Variants in RASSF3 observed in about 807,000 individuals in gnomAD.
RASSF3 encodes Ras association domain family member 3.
A neutral mutation model predicts 19.9 loss-of-function variants in RASSF3; 19 were observed. That is an observed-to-expected ratio of 0.96 (90% confidence interval 0.67 to 1.40). The LOEUF (loss-of-function observed/expected upper bound fraction) is 1.40. RASSF3 is among the 40% of genes most tolerant of loss of function. The pLI is 0.00. For missense variants in RASSF3, 306 were observed against 289.8 expected (o/e 1.06, Z -0.41); for synonymous variants, 110 against 104.2 (o/e 1.06, Z -0.34).
At chr12:64,647,721 A>ATT (rs1297377931) in intron 1 of RASSF3, among the ~76,000 whole-genome samples, 1 of 148,054 alleles carries the variant, frequency 6.8e-6, no homozygotes, top group East Asian at 2.0e-4. Context: ...CCGGCCTTGT[A>ATT]TTTTTTTTTA....
rs745338558 is a variant in RASSF3, at chr12:64,684,836, T to G, written c.161T>G (p.Ile54Ser). The change falls in exon 2 of 5, where the codon ATC (isoleucine) becomes AGC (serine). Residue 54 changes from isoleucine (I) to serine (S), a missense_variant. Ile to Ser is a moderately radical substitution (Grantham distance 142). Transcript: ENST00000542104. ...ETHSYLSKEE[I>S]KEKVHKYNLA... Reference sequence around the variant, plus strand: ...CACAGTTACCTCAGCAAAGAGGAGATCAAAGAGAAAGTTCATAAATACAAC... The same window carrying G: ...CACAGTTACCTCAGCAAAGAGGAGAGCAAAGAGAAAGTTCATAAATACAAC... 5.0e-6 allele frequency: 8 copies of G among 1,613,858 alleles called. No homozygotes were observed. The highest frequency in any genetic ancestry group is 1.1e-5 in the South Asian group (1 of 91,082).
At chr12:64,605,707 T>C (rs1565847732), upstream of RASSF3, among the ~76,000 whole-genome samples, 1 of 151,994 alleles carries the variant, frequency 6.6e-6, no homozygotes, top group Non-Finnish European at 1.5e-5. Context: ...CTGACCAAGA[T>C]GGAGAAACCC....
At chr12:64,614,906 C>G (rs1208911708) in intron 1 of RASSF3, among the ~76,000 whole-genome samples, 1 of 151,648 alleles carries the variant, frequency 6.6e-6, no homozygotes, top group African/African-American at 2.4e-5. Flanking sequence ...GCCATGTTGG[C>G]CAGGCTGGTC....
chr12:64,642,919 G>T (rs1203983081), intron 1 of RASSF3, among the ~76,000 whole-genome samples: 2 of 149,224 alleles, frequency 1.3e-5, no homozygotes, highest in Admixed American at 1.3e-4. Context: ...AAGCTGGAAT[G>T]CAGTGGTACG....
At chr12:64,529,741 A>G (rs1868665693), upstream of RASSF3, among the ~76,000 whole-genome samples, 1 of 152,176 alleles carries the variant, frequency 6.6e-6, no homozygotes. Context: ...ATTTCTTATT[A>G]CTTACAATCA....
At chr12:64,624,003 G>C (rs1422132816) in intron 1 of RASSF3, among the ~76,000 whole-genome samples, 1 of 151,838 alleles carries the variant, frequency 6.6e-6, no homozygotes, top group Non-Finnish European at 1.5e-5. Flanking sequence ...ATTTGGTCAC[G>C]TGAAACTGTC....
At chr12:64,675,051 C>CT (rs1872839198) in intron 1 of RASSF3, among the ~76,000 whole-genome samples, 1 of 118,166 alleles carries the variant, frequency 8.5e-6, no homozygotes. Flanking sequence ...CCTAGCCCCC[C>CT]CCCCCCCCGC....
intron 1 of RASSF3, among the ~76,000 whole-genome samples, chr12:64,611,909 A>G (rs901397838): frequency 6.6e-6 from 1 of 152,168 alleles, no homozygotes; most frequent in Admixed American, 6.5e-5. Context: ...CCAAACCAGG[A>G]GGAGGAGAGG....
intron 1 of RASSF3, among the ~76,000 whole-genome samples, chr12:64,520,479 C>T (rs1868449085): frequency 2.0e-5 from 3 of 148,502 alleles, no homozygotes; most frequent in Admixed American, 1.4e-4. Flanking sequence ...TTCTTTAAAG[C>T]AAATATATAC....
intron 1 of RASSF3, among the ~76,000 whole-genome samples, chr12:64,623,618 G>A (rs1387806345): frequency 6.6e-6 from 1 of 152,088 alleles, no homozygotes; most frequent in Non-Finnish European, 1.5e-5. Context: ...GGAAGGTACA[G>A]CCCTTTCAGA....
Position 64,668,758 on chromosome 12 carries a change from T to C in RASSF3, c.112-16029T>C, listed in dbSNP as rs193039774. Among the ~76,000 whole-genome samples the C allele has an allele frequency of 4.7e-3, 700 of 148,744 alleles. 7 individuals carry two copies. Among genetic ancestry groups the C allele is most frequent in the Middle Eastern group, 0.014 (4 of 288 alleles). ...GTGCAGTGGCGCGATCTCGGCTCAC[T>C]GCAAGCTCTGCCTTCCGGGTTCACG... On this transcript the variant is annotated intron_variant, in intron 1 of 4. Transcript: ENST00000542104.
intron 1 of RASSF3, among the ~76,000 whole-genome samples, chr12:64,672,464 G>T (rs1307363073): frequency 6.6e-6 from 1 of 152,118 alleles, no homozygotes; most frequent in African/African-American, 2.4e-5. Context: ...AACCTCAGAT[G>T]TTCCACCCAC....
chr12:64,648,802 A>ATTTTTT (rs60003798), intron 1 of RASSF3, among the ~76,000 whole-genome samples: 27,888 of 104,644 alleles, frequency 0.27, 4,975 homozygotes, highest in Non-Finnish European at 0.31. Context: ...TTTTACATTG[A>ATTTTTT]TTTTTTTTTT....
chr12:64,512,264 TA>T (rs752785560), intron 1 of RASSF3, among the ~76,000 whole-genome samples: 18 of 152,176 alleles, frequency 1.2e-4, no homozygotes, highest in Non-Finnish European at 2.5e-4. Flanking sequence ...AGTGGGGCAA[TA>T]GGCTGATGGA....
intron 2 of RASSF3, among the ~76,000 whole-genome samples, chr12:64,550,307 A>C (rs1468777932): frequency 6.6e-6 from 1 of 152,090 alleles, no homozygotes; most frequent in Non-Finnish European, 1.5e-5. Context: ...GAAAGGGAGA[A>C]GAGAGAAGAG....
intron 1 of RASSF3, among the ~76,000 whole-genome samples, chr12:64,661,990 TAAA>T (rs58872891): frequency 4.5e-4 from 65 of 144,278 alleles, no homozygotes; most frequent in African/African-American, 6.9e-4. Flanking sequence ...CCCCATCTCT[TAAA>T]AAAAAAAAAA....
intron 1 of RASSF3, among the ~76,000 whole-genome samples, chr12:64,513,912 C>T (rs1180810628): frequency 4.6e-5 from 7 of 152,100 alleles, no homozygotes; most frequent in African/African-American, 1.4e-4. Flanking sequence ...CAGAGTCTCG[C>T]TCTGTCACCC....
Position 64,665,730 on chromosome 12 carries a change from A to G in RASSF3, c.112-19057A>G, listed in dbSNP as rs545977579. On this transcript the variant is annotated intron_variant, in intron 1 of 4. Coordinates refer to ENST00000542104, the MANE Select transcript of RASSF3 (RefSeq NM_178169.4). ...AAAATGGGCATAAATATGACTGCAG[A>G]ACTGCCCTTGAGCTGCTGTTATGGA... Among the ~76,000 whole-genome samples, 3 of 152,332 alleles carry G rather than the reference A, an allele frequency of 2.0e-5. No individual in the cohort carries two copies. The South Asian group carries it at 6.2e-4, about 32-fold the overall frequency.
intron 2 of RASSF3, among the ~76,000 whole-genome samples, chr12:64,569,306 A>G (rs974781246): frequency 1.3e-5 from 2 of 152,248 alleles, no homozygotes; most frequent in Non-Finnish European, 2.9e-5. Context: ...CACAAGTTAG[A>G]AAAAGGCCCC....
Sources: allele counts gnomAD v4.1 joint callset (sites outside exome capture counted in the v4.1 genomes callset), GRCh38; gene constraint gnomAD v4.1.1; transcripts MANE v1.5; gene names NCBI Gene and HGNC (gene_info 2026-07-23, HGNC 2026-07-21).